Variants in AGTPBP1 observed in about 807,000 individuals in gnomAD.
The protein encoded by AGTPBP1 is cytosolic carboxypeptidase 1.
In AGTPBP1, 70 loss-of-function variants were observed where a neutral mutation model predicts 143.9. The observed-to-expected ratio is 0.49, with a 90% CI of 0.40 to 0.59. The LOEUF (loss-of-function observed/expected upper bound fraction) is 0.59. Among genes scored for constraint, AGTPBP1 ranks in the 20% least tolerant of loss-of-function variants. The pLI is 0.00. For synonymous variants in AGTPBP1, 463 were observed against 500.2 expected (o/e 0.93, Z 0.99); for missense variants, 1,229 against 1,464.5 (o/e 0.84, Z 2.62).
Position 85,677,740 on chromosome 9 carries a change from C to T in AGTPBP1, c.290-158G>A, listed in dbSNP as rs183829700. ...AAATAAGGCTGGGCGCAGTAGCTCA[C>T]GCCTGTAATCACAGCACTTAGGGAG... On this transcript the variant is annotated intron_variant, in intron 5 of 25. Transcript: ENST00000357081. 5.3e-5 allele frequency among the ~76,000 whole-genome samples: 8 copies of T among 152,236 alleles called. No individual in the cohort carries two copies. The East Asian group carries it at 5.8e-4, about 11-fold the overall frequency.
intron 25 of AGTPBP1, 51 bp downstream of exon 25, chr9:85,575,264 A>G (rs1271983017): frequency 7.2e-7 from 1 of 1,383,742 alleles, no homozygotes; most frequent in Non-Finnish European, 9.6e-7. Context: ...ATTTTAATGA[A>G]GTCTAATAAT....
chr9:85,595,349 CAAAT>C lies in AGTPBP1; in HGVS notation c.2423+1009_2423+1012del, dbSNP rs1387353923. Among the ~76,000 whole-genome samples the C allele has an allele frequency of 2.6e-5, 4 of 152,070 alleles. No homozygotes were observed. In the South Asian group the frequency reaches 6.2e-4, roughly 24 times the overall value. On this transcript the variant is annotated intron_variant, in intron 18 of 25. Coordinates refer to ENST00000357081, the MANE Select transcript of AGTPBP1 (RefSeq NM_001330701.2). ...GAAATGTCAGGATTGAACTTAGTAACAAATAAACAAGGGTGCCAAGTGGAATCAA... is the reference window on the plus strand; with the variant it reads ...GAAATGTCAGGATTGAACTTAGTAACAAACAAGGGTGCCAAGTGGAATCAA...
chr9:85,549,857 T>C (rs1453459579), intron 25 of AGTPBP1, among the ~76,000 whole-genome samples: 2 of 152,250 alleles, frequency 1.3e-5, no homozygotes, highest in East Asian at 3.8e-4. Flanking sequence ...TCATTTATCA[T>C]GTTGACTATG....
chr9:85,601,085 T>G (rs1167082504), intron 17 of AGTPBP1, among the ~76,000 whole-genome samples: 4 of 152,146 alleles, frequency 2.6e-5, no homozygotes, highest in Non-Finnish European at 5.9e-5. Context: ...ACACACGCCT[T>G]GCAAACAGGC....
intron 2 of AGTPBP1, among the ~76,000 whole-genome samples, chr9:85,698,299 T>C (rs550600711): frequency 1.3e-5 from 2 of 152,354 alleles, no homozygotes; most frequent in Non-Finnish European, 2.9e-5. Flanking sequence ...TTTGTGAGAA[T>C]CATCCTTTTC....
intron 18 of AGTPBP1, 95 bp downstream of exon 18, chr9:85,596,264 CAAT>C (rs1564046540): frequency 2.6e-6 from 2 of 769,822 alleles, no homozygotes; most frequent in East Asian, 2.8e-5. Flanking sequence ...TCAAAGTATG[CAAT>C]AATAACTCTA....
intron 25 of AGTPBP1, among the ~76,000 whole-genome samples, chr9:85,552,626 C>A (rs1265654253): frequency 6.6e-6 from 1 of 152,164 alleles, no homozygotes; most frequent in African/African-American, 2.4e-5. Context: ...TCAGTCTCAC[C>A]CATCTCACAA....
the AGTPBP1 span, among the ~76,000 whole-genome samples, chr9:85,797,535 T>C: frequency 1.4e-3 from 210 of 152,274 alleles, no homozygotes; most frequent in African/African-American, 4.7e-3. Flanking sequence ...TTCTTGGAGA[T>C]ATCCCTTCTA....
rs1265349343 is a variant in AGTPBP1 at position 85,546,865 on chromosome 9, A to T, written c.*244T>A. 4.8e-4 allele frequency: 128 copies of T among 268,082 alleles called. No individual in the cohort carries two copies. The highest frequency in any genetic ancestry group is 9.3e-4 in the East Asian group (13 of 14,040). The allele number at this position is 268,082 out of a possible 1,614,324, so 16.6% of individuals were successfully genotyped here. ...GCAATGATACTCAGGTTTTTTTTTT[A>T]AAGGTAAATCCAATATTTGATCATT... is the stretch of plus-strand genomic sequence containing the variant. On this transcript the variant is annotated 3_prime_UTR_variant, in exon 26 of 26. Coordinates refer to ENST00000357081, the MANE Select transcript of AGTPBP1 (RefSeq NM_001330701.2).
chr9:85,783,632 T>TG, the AGTPBP1 span, among the ~76,000 whole-genome samples: 2 of 152,136 alleles, frequency 1.3e-5, no homozygotes, highest in African/African-American at 4.8e-5. Flanking sequence ...ATTGTTTTTT[T>TG]TTTGTTTGTT....
intron 1 of AGTPBP1, among the ~76,000 whole-genome samples, chr9:85,738,444 G>C (rs1823970305): frequency 6.6e-6 from 1 of 152,060 alleles, no homozygotes; most frequent in African/African-American, 2.4e-5. Flanking sequence ...AAAAAAGAAT[G>C]CTTAAAAAAA....
intron 2 of AGTPBP1, among the ~76,000 whole-genome samples, chr9:85,709,316 A>G (rs1837216968): frequency 2.0e-5 from 3 of 152,210 alleles, no homozygotes; most frequent in African/African-American, 4.8e-5. Flanking sequence ...ATATAAGAGA[A>G]TTTTTTCAAC....
chr9:85,745,984 T>A (rs183888634), upstream of AGTPBP1, among the ~76,000 whole-genome samples: 1 of 152,296 alleles, frequency 6.6e-6, no homozygotes, highest in East Asian at 1.9e-4. Flanking sequence ...CTAGACATGT[T>A]CAGGATGGCA....
intron 24 of AGTPBP1, 62 bp downstream of exon 24, chr9:85,578,858 G>T: frequency 6.6e-7 from 1 of 1,517,276 alleles, no homozygotes; most frequent in Admixed American, 1.9e-5. Flanking sequence ...AAAACCACAA[G>T]ATATATATGA....
intron 6 of AGTPBP1, 103 bp downstream of exon 6, chr9:85,677,333 T>G: frequency 9.6e-7 from 1 of 1,046,196 alleles, no homozygotes; most frequent in Non-Finnish European, 1.4e-6. Flanking sequence ...CATAGAAATT[T>G]AAAATAAATA....
intron 1 of AGTPBP1, among the ~76,000 whole-genome samples, chr9:85,725,732 A>G (rs7024919): frequency 0.028 from 4,286 of 152,236 alleles, 186 homozygotes; most frequent in African/African-American, 0.098. Context: ...CAATATAGGG[A>G]GACCCCATTT....
intron 25 of AGTPBP1, among the ~76,000 whole-genome samples, chr9:85,565,240 T>C (rs1471809421): frequency 6.6e-6 from 1 of 152,208 alleles, no homozygotes; most frequent in Non-Finnish European, 1.5e-5. Context: ...GCTTATTTGA[T>C]ATACATTGCC....
chr9:85,639,835 T>C (rs1832350482), intron 13 of AGTPBP1, among the ~76,000 whole-genome samples: 1 of 152,158 alleles, frequency 6.6e-6, no homozygotes, highest in Non-Finnish European at 1.5e-5. Flanking sequence ...TATGAATAAA[T>C]AAACATAGCT....
chr9:85,723,338 G>C lies in AGTPBP1; in HGVS notation c.-33-10772C>G, dbSNP rs775073581. On this transcript the variant is annotated intron_variant, in intron 1 of 25. Transcript: ENST00000357081. The stretch of plus-strand genomic sequence containing the variant: ...AGCTATGGTGGGCTCCACCCAGTTC[G>C]AGCTTCCTGGCCTCTTTGTTTACAC... Among the ~76,000 whole-genome samples, 71 of 152,164 alleles carry C rather than the reference G, an allele frequency of 4.7e-4. 1 individual carries two copies. Among genetic ancestry groups the C allele is most frequent in the Non-Finnish European group, 2.4e-4 (16 of 68,028 alleles).
Sources: allele counts gnomAD v4.1 joint callset (sites outside exome capture counted in the v4.1 genomes callset), GRCh38; gene constraint gnomAD v4.1.1; transcripts MANE v1.5; gene names NCBI Gene and HGNC (gene_info 2026-07-23, HGNC 2026-07-21).